The following MFHAS1 variants were observed in gnomAD, a reference collection of about 807,000 sequenced individuals.
MFHAS1 encodes malignant fibrous histiocytoma-amplified sequence 1.
MFHAS1 carries 50 observed loss-of-function variants against 70.4 expected under a neutral mutation model. The observed-to-expected ratio is 0.71, with a 90% CI of 0.57 to 0.90. The LOEUF (loss-of-function observed/expected upper bound fraction) is 0.90, where lower values mean the gene tolerates loss of function less well. MFHAS1 is among the 40% of genes least tolerant of loss of function. The pLI is 0.00. For missense variants in MFHAS1, 1,795 were observed against 1,347.6 expected (o/e 1.33, Z -5.20); for synonymous variants, 952 against 620.0 (o/e 1.54, Z -7.96).
At chr8:8,873,686 G>C (rs1809178101) in intron 1 of MFHAS1, among the ~76,000 whole-genome samples, 1 of 151,970 alleles carries the variant, frequency 6.6e-6, no homozygotes, top group Admixed American at 6.6e-5. Context: ...TGGAACTCGA[G>C]AGGATGGTTC....
chr8:8,877,644 C>G (rs1253332663), intron 1 of MFHAS1, among the ~76,000 whole-genome samples: 1 of 152,194 alleles, frequency 6.6e-6, no homozygotes, highest in Non-Finnish European at 1.5e-5. Context: ...TTAGACATGG[C>G]TCTGCAGAGC....
At chr8:8,887,784 T>A (rs547291304) in intron 1 of MFHAS1, among the ~76,000 whole-genome samples, 1 of 149,872 alleles carries the variant, frequency 6.7e-6, no homozygotes, top group Non-Finnish European at 1.5e-5. Context: ...TGTTTCTGCA[T>A]CTCAGTACAA....
intron 1 of MFHAS1, among the ~76,000 whole-genome samples, chr8:8,880,648 G>A (rs550309627): frequency 6.6e-6 from 1 of 151,706 alleles, no homozygotes; most frequent in South Asian, 2.1e-4. Context: ...GGTGCTGGGG[G>A]CTGTCGGTCT....
chr8:8,796,778 G>A (rs556726964), intron 2 of MFHAS1, among the ~76,000 whole-genome samples: 9 of 150,510 alleles, frequency 6.0e-5, no homozygotes, highest in East Asian at 3.9e-4. Flanking sequence ...GGCGGATCCC[G>A]AGGTCAGGAG....
rs1810081041 is a variant in MFHAS1 at position 8,892,123 on chromosome 8, T to C, written c.936A>G (p.Pro312=). 2 of 1,612,268 alleles carry C rather than the reference T, an allele frequency of 1.2e-6. No homozygotes were observed. The highest frequency in any genetic ancestry group is 1.3e-5 in the African/African-American group (1 of 74,820). Residue 312 remains proline (P), a synonymous_variant, in exon 1 of 3, where the codon CCA becomes CCG. Coordinates refer to ENST00000276282, the MANE Select transcript of MFHAS1 (RefSeq NM_004225.3). This position sits in a 1 kb window ranked among gnomAD's most constrained non-coding sequence, Gnocchi z 4.7. ...YLSRNQLTSV[P]SLISGLGRLL... ...GCCGGCCCAGGCCCGAGATAAGGGATGGCACCGAGGTGAGCTGGTTGCGAC... is the reference window on the plus strand; with the variant it reads ...GCCGGCCCAGGCCCGAGATAAGGGACGGCACCGAGGTGAGCTGGTTGCGAC...
At chr8:8,857,724 CACT>C (rs946716430) in intron 1 of MFHAS1, among the ~76,000 whole-genome samples, 1 of 151,528 alleles carries the variant, frequency 6.6e-6, no homozygotes, top group Non-Finnish European at 1.5e-5. Flanking sequence ...CGCACCAAGG[CACT>C]CTAGCCTGGG....
intron 1 of MFHAS1, among the ~76,000 whole-genome samples, chr8:8,818,166 C>T (rs139448908): frequency 2.0e-4 from 30 of 152,210 alleles, no homozygotes; most frequent in Non-Finnish European, 4.3e-4. Context: ...CGTCATACTT[C>T]GGGGCTGGCT....
At chr8:8,869,987 C>A (rs1445820282) in intron 1 of MFHAS1, among the ~76,000 whole-genome samples, 1 of 152,170 alleles carries the variant, frequency 6.6e-6, no homozygotes, top group East Asian at 1.9e-4. Context: ...ATCTTCCACA[C>A]TGCTGCCCTG....
chr8:8,877,910 G>GC (rs1563216883), intron 1 of MFHAS1, among the ~76,000 whole-genome samples: 2 of 152,116 alleles, frequency 1.3e-5, no homozygotes, highest in East Asian at 3.9e-4. Flanking sequence ...AATGCAAAAC[G>GC]CATCTGTGCC....
Position 8,884,336 on chromosome 8 carries a change from G to A in MFHAS1, c.2998+5725C>T, listed in dbSNP as rs192201559. The stretch of plus-strand genomic sequence containing the variant: ...GAGTTCAGAGGCCTATTCATAAAAA[G>A]AAAAGCCAAGAAGCATCAATATTAA... On this transcript the variant is annotated intron_variant, in intron 1 of 2. Transcript: ENST00000276282. Among the ~76,000 whole-genome samples the A allele has an allele frequency of 1.2e-3, 188 of 152,154 alleles. 1 individual carries two copies. Among genetic ancestry groups the A allele is most frequent in the African/African-American group, 4.2e-3 (176 of 41,504 alleles).
chr8:8,881,773 A>G (rs941063070), intron 1 of MFHAS1, among the ~76,000 whole-genome samples: 1 of 149,946 alleles, frequency 6.7e-6, no homozygotes, highest in African/African-American at 2.5e-5. Flanking sequence ...AGGAGAATTG[A>G]GCCACTGCAC....
chr8:8,845,837 A>G (rs1031642062), intron 1 of MFHAS1, among the ~76,000 whole-genome samples: 3 of 152,116 alleles, frequency 2.0e-5, no homozygotes, highest in Non-Finnish European at 4.4e-5. Context: ...TAGCTTTCCC[A>G]GTTCAATAAA....
In MFHAS1 at chr8:8,891,712, C is replaced by T. The variant is rs745406714; in HGVS notation, c.1347G>A (p.Pro449=). 13 of 1,613,310 alleles carry T rather than the reference C, an allele frequency of 8.1e-6. No individual in the cohort carries two copies. The East Asian group carries it at 1.8e-4, about 22-fold the overall frequency. ...GGGDKEKCYP[P]SPPPVSKGIE... is the part of the protein sequence containing the mutation. Reference sequence around the variant, plus strand: ...TGCCCTTGCTCACAGGGGGAGGTGACGGTGGGTAGCACTTCTCCTTGTCCC... The same window carrying T: ...TGCCCTTGCTCACAGGGGGAGGTGATGGTGGGTAGCACTTCTCCTTGTCCC... Residue 449 remains proline, a synonymous_variant, in exon 1 of 3, where the codon CCG becomes CCA. Transcript: ENST00000276282. This position sits in a 1 kb window ranked among gnomAD's most constrained non-coding sequence, Gnocchi z 5.4.
rs913216439 is a variant in MFHAS1, at chr8:8,890,625, G to T, written c.2434C>A (p.Gln812Lys). ...VIRLLLKPHVQAQQDLQLLLE... is the reference protein window; with the variant it reads ...VIRLLLKPHVKAQQDLQLLLE... ...AACAGCTGCAAGTCCTGCTGGGCCT[G>T]GACATGAGGCTTAAGCAGCAACCGA... is the stretch of plus-strand genomic sequence containing the variant. Residue 812 changes from glutamine (Q) to lysine (K), a missense_variant, in exon 1 of 3, where the codon CAG becomes AAG. Transcript: ENST00000276282. 1 of 1,613,944 alleles carries T rather than the reference G, an allele frequency of 6.2e-7. No homozygotes were observed. The highest frequency in any genetic ancestry group is 8.5e-7 in the Non-Finnish European group (1 of 1,179,980).
At chr8:8,865,726 C>T (rs538844582) in intron 1 of MFHAS1, among the ~76,000 whole-genome samples, 47 of 152,310 alleles carry the variant, frequency 3.1e-4, no homozygotes, top group African/African-American at 1.1e-3. Context: ...ACTGAGTTGC[C>T]ACTATTAAAC....
intron 1 of MFHAS1, among the ~76,000 whole-genome samples, chr8:8,864,713 G>T (rs1002953640): frequency 6.6e-6 from 1 of 152,120 alleles, no homozygotes. Context: ...CCAGTTGCAT[G>T]CCAGGATAAA....
intron 1 of MFHAS1, among the ~76,000 whole-genome samples, chr8:8,827,394 T>C (rs1807202312): frequency 6.6e-6 from 1 of 152,256 alleles, no homozygotes; most frequent in African/African-American, 2.4e-5. Flanking sequence ...CAACTCAATA[T>C]GTCTGTTTTC....
At chr8:8,800,874 T>C (rs1313735867) in intron 1 of MFHAS1, among the ~76,000 whole-genome samples, 1 of 152,126 alleles carries the variant, frequency 6.6e-6, no homozygotes, top group East Asian at 1.9e-4. Flanking sequence ...GCAGGCTTCT[T>C]GGCTAGTATG....
chr8:8,868,596 C>G (rs1431969365), intron 1 of MFHAS1, among the ~76,000 whole-genome samples: 1 of 151,970 alleles, frequency 6.6e-6, no homozygotes, highest in African/African-American at 2.4e-5. Flanking sequence ...ATCAGCCCAA[C>G]AAATGAGCAT....
Sources: allele counts gnomAD v4.1 joint callset (sites outside exome capture counted in the v4.1 genomes callset), GRCh38; gene constraint gnomAD v4.1.1; non-coding constraint Gnocchi (gnomAD v3.1); transcripts MANE v1.5; gene names NCBI Gene and HGNC (gene_info 2026-07-23, HGNC 2026-07-21).